The following SYNE1 variants were observed in gnomAD, a reference collection of about 807,000 sequenced individuals.
SYNE1 encodes nesprin-1.
Under a neutral mutation model 1,111.0 loss-of-function variants are expected in SYNE1, and 616 were observed. The observed-to-expected ratio is 0.55, with a 90% confidence interval of 0.52 to 0.59. SYNE1 has a LOEUF of 0.59. Ranked by LOEUF, SYNE1 falls within the 20% of genes least tolerant of loss-of-function variation. SYNE1 has a pLI of 0.00. For synonymous variants in SYNE1, 3,855 were observed against 3,825.8 expected (o/e 1.01, Z -0.28); for missense variants, 10,006 against 10,417.0 (o/e 0.96, Z 1.72).
At chr6:152,296,440 T>A (rs753994612) in intron 93 of SYNE1, among the ~76,000 whole-genome samples, 37 of 152,262 alleles carry the variant, frequency 2.4e-4, no homozygotes, top group Admixed American at 4.6e-4. Flanking sequence ...TGAAGTATTA[T>A]CCATCTTGCA....
chr6:152,379,854 T>C (rs1301104498), intron 56 of SYNE1, among the ~76,000 whole-genome samples: 1 of 152,196 alleles, frequency 6.6e-6, no homozygotes, highest in Admixed American at 6.5e-5. Context: ...AGTAATGTAA[T>C]CTAGGCACAG....
At chr6:152,522,477 T>TG (rs1231588720) in intron 5 of SYNE1, among the ~76,000 whole-genome samples, 8 of 152,266 alleles carry the variant, frequency 5.3e-5, no homozygotes, top group Admixed American at 1.3e-4. Flanking sequence ...CCACTTAGGT[T>TG]GGGTCCATAT....
intron 3 of SYNE1, among the ~76,000 whole-genome samples, chr6:152,597,475 T>A (rs1293361138): frequency 6.6e-6 from 1 of 152,106 alleles, no homozygotes; most frequent in Non-Finnish European, 1.5e-5. Context: ...TTTGTGGAAA[T>A]GGCATCTCAC....
intron 129 of SYNE1, among the ~76,000 whole-genome samples, chr6:152,178,910 CTTTTTTTTTT>C (rs750037655): frequency 8.7e-6 from 1 of 115,566 alleles, no homozygotes; most frequent in African/African-American, 3.6e-5. Flanking sequence ...TCACCCAATT[CTTTTTTTTTT>C]TTTTTTTTTT....
chr6:152,371,905 A>C (rs191142970), intron 59 of SYNE1, among the ~76,000 whole-genome samples: 4,121 of 51,834 alleles, frequency 0.08, 438 homozygotes, highest in African/African-American at 0.19. Context: ...AAGGAAAGGA[A>C]AGGAAAGGAA....
chr6:152,144,479 A>AGTGTGT (rs537809180), intron 137 of SYNE1: 4 of 104,072 alleles, frequency 3.8e-5, no homozygotes, highest in African/African-American at 1.3e-4. Flanking sequence ...AAAATTACTG[A>AGTGTGT]GAGTGTGTGT....
intron 107 of SYNE1, 82 bp downstream of exon 107, chr6:152,242,158 A>G: frequency 7.7e-7 from 1 of 1,300,840 alleles, no homozygotes; most frequent in Non-Finnish European, 1.1e-6. Flanking sequence ...TGAGAATATT[A>G]GGTTTTACTA....
intron 130 of SYNE1, among the ~76,000 whole-genome samples, chr6:152,171,960 C>T (rs2065317599): frequency 1.3e-5 from 2 of 152,162 alleles, no homozygotes; most frequent in Admixed American, 1.3e-4. Context: ...CATAGTACTT[C>T]ATATATAGTA....
intron 98 of SYNE1, 151 bp from the exon 99 acceptor site, chr6:152,269,437 A>AC (rs1338285038): frequency 8.9e-7 from 1 of 1,128,672 alleles, no homozygotes; most frequent in African/African-American, 1.5e-5. Context: ...AAACAGTAAC[A>AC]CAAAACCCAT....
chr6:152,187,728 TGA>T (rs200143003), intron 128 of SYNE1, among the ~76,000 whole-genome samples: 11 of 150,846 alleles, frequency 7.3e-5, no homozygotes, highest in South Asian at 4.2e-4. Context: ...TTTGTGTGTG[TGA>T]GAGAGAGAGA....
chr6:152,617,775 G>A, intron 3 of SYNE1, among the ~76,000 whole-genome samples: 1 of 152,146 alleles, frequency 6.6e-6, no homozygotes, highest in East Asian at 1.9e-4. Context: ...TCTCACTCTG[G>A]CTGGTGGTAT....
intron 126 of SYNE1, among the ~76,000 whole-genome samples, chr6:152,203,499 G>C (rs1405822867): frequency 6.6e-6 from 1 of 152,110 alleles, no homozygotes. Flanking sequence ...TCCAAAGCAA[G>C]ACAACTAGAA....
rs566067517 is a variant in SYNE1 at position 152,321,571 on chromosome 6, C to G, written c.16083+150G>C. The stretch of plus-strand genomic sequence containing the variant: ...TCACTTTAAAAAACAAAGGAAAATC[C>G]CATGAAGTAATACTAAATATCTTTT... On this transcript the variant is annotated intron_variant, in intron 83 of 145. Coordinates refer to ENST00000367255, the MANE Select transcript of SYNE1 (RefSeq NM_182961.4). The G allele has an allele frequency of 8.2e-5, 101 of 1,237,084 alleles. No homozygotes were observed. In the South Asian group the frequency reaches 1.4e-3, roughly 17 times the overall value. 76.6% of individuals were successfully genotyped at this position (1,237,084 alleles called of 1,614,324 possible).
At chr6:152,555,731 A>G (rs980752564) in intron 3 of SYNE1, among the ~76,000 whole-genome samples, 1 of 152,224 alleles carries the variant, frequency 6.6e-6, no homozygotes, top group Non-Finnish European at 1.5e-5. Context: ...ACAATATAAC[A>G]TGTTGGTATT....
chr6:152,362,407 C>T, intron 63 of SYNE1, 84 bp from the exon 64 acceptor site: 1 of 1,580,234 alleles, frequency 6.3e-7, no homozygotes. Context: ...CCATCCACTC[C>T]AGTAAGCAAG....
At position 152,349,208 on chromosome 6, in the gene SYNE1, A is replaced by G. The variant is rs184229027; in HGVS notation, c.11901+960T>C. 3.0e-3 allele frequency among the ~76,000 whole-genome samples: 453 copies of G among 152,382 alleles called. 2 individuals are homozygous for G. The highest frequency in any genetic ancestry group is 0.01 in the African/African-American group (432 of 41,596). On this transcript the variant is annotated intron_variant, in intron 72 of 145. Transcript: ENST00000367255. ...CCATGAAATTGTGACCATAACGTCT[A>G]TCACGTGGTAAACACGATTACTAAA...
At chr6:152,244,717 T>C in intron 105 of SYNE1, 61 bp from the exon 106 acceptor site, 2 of 1,604,582 alleles carry the variant, frequency 1.2e-6, no homozygotes, top group Non-Finnish European at 8.5e-7. Flanking sequence ...ACGGAAGATG[T>C]GATTATTGTA....
chr6:152,305,277 A>T (rs1488073327), intron 91 of SYNE1, among the ~76,000 whole-genome samples: 4 of 152,072 alleles, frequency 2.6e-5, no homozygotes, highest in Non-Finnish European at 4.4e-5. Flanking sequence ...TATTATTATT[A>T]TTTTTTGAGA....
chr6:152,126,285 T>C (rs2053415399), intron 145 of SYNE1: 1 of 152,200 alleles, frequency 6.6e-6, no homozygotes, highest in Non-Finnish European at 1.5e-5. Context: ...TGCCCAAAGC[T>C]GCCTCATCTT....
Sources: gnomAD v4.1 joint callset for allele counts (sites outside exome capture counted in the v4.1 genomes callset) on GRCh38, gnomAD v4.1.1 for gene constraint, MANE v1.5 for transcripts, NCBI Gene and HGNC (gene_info 2026-07-23, HGNC 2026-07-21) for gene names.